ASIC2: variants seen among roughly 807,000 people sequenced by gnomAD.
ASIC2 encodes acid sensing ion channel subunit 2.
ASIC2 carries 25 observed loss-of-function variants against 57.3 expected under a neutral mutation model. That is an observed-to-expected ratio of 0.44 (90% CI 0.32 to 0.61). The LOEUF is 0.61. Ranked by LOEUF, ASIC2 falls within the 20% of genes least tolerant of loss-of-function variation. The pLI is 0.06. For synonymous variants in ASIC2, 319 were observed against 307.5 expected (o/e 1.04, Z -0.39); for missense variants, 641 against 738.1 (o/e 0.87, Z 1.52).
chr17:33,015,981 T>C lies in ASIC2; in HGVS notation c.1580A>G (p.Asp527Gly), dbSNP rs1188632247. Residue 527 changes from aspartate (D) to glycine (G), a missense_variant, in exon 9 of 10, where the codon GAT becomes GGT. Transcript: ENST00000225823. ...LGKEEDEGSH[D>G]ENVSTCDTMP... ...GTGAGCTGCTCTTACCACATTCTCA[T>C]CGTGGCTCCCTTCGTCCTCCTCTTT... is the stretch of plus-strand genomic sequence containing the variant. 6.2e-7 allele frequency: 1 copy of C among 1,614,118 alleles called. No individual in the cohort carries two copies. The highest frequency in any genetic ancestry group is 1.7e-5 in the Admixed American group (1 of 60,028).
chr17:34,075,984 A>C (rs1383891877), intron 1 of ASIC2, among the ~76,000 whole-genome samples: 2 of 150,006 alleles, frequency 1.3e-5, no homozygotes, highest in Non-Finnish European at 3.0e-5. Context: ...GTGTGCAACC[A>C]CACCTGGCTA....
At chr17:34,067,792 A>G (rs576062005) in intron 1 of ASIC2, among the ~76,000 whole-genome samples, 2 of 152,362 alleles carry the variant, frequency 1.3e-5, no homozygotes, top group East Asian at 3.9e-4. Flanking sequence ...TGAAAATCCC[A>G]GATTACAAAG....
intron 1 of ASIC2, among the ~76,000 whole-genome samples, chr17:33,555,546 T>C (rs1283242763): frequency 6.6e-6 from 1 of 151,836 alleles, no homozygotes; most frequent in Non-Finnish European, 1.5e-5. Context: ...GAGAGAGAGA[T>C]GGTGAAAAGC....
intron 1 of ASIC2, among the ~76,000 whole-genome samples, chr17:33,700,211 T>C (rs1339290584): frequency 1.3e-5 from 2 of 151,994 alleles, no homozygotes; most frequent in Non-Finnish European, 2.9e-5. Context: ...AGAATAGAAA[T>C]AAATCTTCCT....
At chr17:33,335,469 C>T (rs190389543) in intron 1 of ASIC2, among the ~76,000 whole-genome samples, 9 of 152,226 alleles carry the variant, frequency 5.9e-5, no homozygotes, top group Non-Finnish European at 1.0e-4. Flanking sequence ...CAGGGAATGT[C>T]GCAGAGATTG....
Position 33,088,821 on chromosome 17 carries a change from G to T in ASIC2, c.987+42C>A, listed in dbSNP as rs562297571. On this transcript the variant is annotated intron_variant, in intron 3 of 9. Coordinates refer to ENST00000225823, the MANE Select transcript of ASIC2 (RefSeq NM_183377.2). ...CCTTGTGCCTCTGCAGGGGGTCGGG[G>T]GAGGCTGAGGACCATCAATCCTGGG... The T allele has an allele frequency of 7.7e-6, 12 of 1,567,818 alleles. No homozygotes were observed. The South Asian group carries it at 1.4e-4, about 18-fold the overall frequency.
At chr17:34,127,141 G>A (rs943699652) in intron 1 of ASIC2, among the ~76,000 whole-genome samples, 16 of 152,332 alleles carry the variant, frequency 1.1e-4, no homozygotes, top group African/African-American at 3.6e-4. Flanking sequence ...GCTTCAGTAA[G>A]AGGGGGTTTG....
chr17:33,440,232 C>T (rs1337339903), intron 1 of ASIC2, among the ~76,000 whole-genome samples: 2 of 152,200 alleles, frequency 1.3e-5, no homozygotes, highest in Non-Finnish European at 2.9e-5. Flanking sequence ...ATGCCATACA[C>T]ATGAAAGTCT....
At chr17:33,622,030 TATC>T (rs753364281) in intron 1 of ASIC2, among the ~76,000 whole-genome samples, 4 of 152,076 alleles carry the variant, frequency 2.6e-5, no homozygotes, top group Non-Finnish European at 5.9e-5. Flanking sequence ...CTATGATCAC[TATC>T]ATCATTGCCA....
At chr17:33,487,865 G>A (rs576492931) in intron 1 of ASIC2, among the ~76,000 whole-genome samples, 4 of 152,282 alleles carry the variant, frequency 2.6e-5, no homozygotes, top group African/African-American at 4.8e-5. Context: ...TACATCAGCG[G>A]TTTGCCAGGG....
rs11870696 is a variant in ASIC2 at position 34,040,910 on chromosome 17, C to T, written c.555+115068G>A. ...AACTATCCTAGGAGGAAGCTATTAC[C>T]GTTTTGATCATTTTACAAATGATGG... On this transcript the variant is annotated intron_variant, in intron 1 of 9. Transcript: ENST00000359872. Among the ~76,000 whole-genome samples the T allele has an allele frequency of 8.8e-3, 1,334 of 152,258 alleles. 17 individuals are homozygous for T. Among genetic ancestry groups the T allele is most frequent in the African/African-American group, 0.03 (1,258 of 41,540 alleles).
intron 1 of ASIC2, among the ~76,000 whole-genome samples, chr17:33,894,754 T>C (rs1413978210): frequency 6.6e-6 from 1 of 152,180 alleles, no homozygotes; most frequent in Non-Finnish European, 1.5e-5. Context: ...GTTTTCAGCT[T>C]AGCCTTAAGT....
rs779397520 is a variant in ASIC2, at chr17:33,025,915, T to G, written c.1195+11A>C. On this transcript the variant is annotated intron_variant, in intron 5 of 9. Coordinates refer to ENST00000225823, the MANE Select transcript of ASIC2 (RefSeq NM_183377.2). ...GGCCCCCATGATTCCATCTGTCCCC[T>G]GAGTACTGACCTAGGGCAGGCTCTG... 1.2e-6 allele frequency: 2 copies of G among 1,608,336 alleles called. No homozygotes were observed. The highest frequency in any genetic ancestry group is 1.7e-5 in the Admixed American group (1 of 59,004).
chr17:33,018,320 A>C (rs974228450), intron 7 of ASIC2, among the ~76,000 whole-genome samples: 1 of 152,210 alleles, frequency 6.6e-6, no homozygotes, highest in East Asian at 1.9e-4. Flanking sequence ...AATTGTAATC[A>C]GTGTTGCTGC....
At position 33,507,778 on chromosome 17, in the gene ASIC2, G is replaced by A. The variant is rs1374009368; in HGVS notation, c.556-395711C>T. On this transcript the variant is annotated intron_variant, in intron 1 of 9. Transcript: ENST00000359872. The stretch of plus-strand genomic sequence containing the variant: ...CTTAGCTGGGCCTGGTGGCACATAT[G>A]CCTCTAATCCCAGCTACTCAGGAGG... 2.0e-5 allele frequency among the ~76,000 whole-genome samples: 3 copies of A among 152,088 alleles called. No individual in the cohort carries two copies. In the East Asian group the frequency reaches 5.8e-4, roughly 29 times the overall value.
intron 1 of ASIC2, among the ~76,000 whole-genome samples, chr17:33,647,039 T>C (rs1462131271): frequency 6.6e-6 from 1 of 152,076 alleles, no homozygotes; most frequent in East Asian, 1.9e-4. Context: ...CCAGGGAACC[T>C]TGTTTGGAGA....
chr17:34,135,502 G>T (rs62054891), intron 1 of ASIC2, among the ~76,000 whole-genome samples: 50,874 of 152,052 alleles, frequency 0.33, 8,562 homozygotes, highest in South Asian at 0.45. Context: ...AAGTCCTGAT[G>T]CCTGGACATC....
At chr17:33,601,388 C>G (rs1319645224) in intron 1 of ASIC2, among the ~76,000 whole-genome samples, 1 of 152,206 alleles carries the variant, frequency 6.6e-6, no homozygotes, top group African/African-American at 2.4e-5. Flanking sequence ...CCCTGCACCA[C>G]CTTTGGGACT....
At chr17:34,058,751 A>G (rs1168620654) in intron 1 of ASIC2, among the ~76,000 whole-genome samples, 1 of 152,150 alleles carries the variant, frequency 6.6e-6, no homozygotes, top group Non-Finnish European at 1.5e-5. Context: ...GGAGGGGAGG[A>G]GAGCAGAGCT....
Sources: allele counts gnomAD v4.1 joint callset (sites outside exome capture counted in the v4.1 genomes callset), GRCh38; gene constraint gnomAD v4.1.1; transcripts MANE v1.5; gene names NCBI Gene and HGNC (gene_info 2026-07-23, HGNC 2026-07-21).